CHODL: variants seen among roughly 807,000 people sequenced by gnomAD.
CHODL encodes the protein chondrolectin, also known as transmembrane protein MT75.
CHODL carries 29 observed loss-of-function variants against 34.5 expected under a neutral mutation model. The ratio of observed to expected loss-of-function variants is 0.84; its 90% CI spans 0.63 to 1.15. The LOEUF is 1.15. CHODL is among the 50% of genes most tolerant of loss of function. The pLI is 0.00. For missense variants in CHODL, 332 were observed against 332.5 expected (o/e 1.00, Z 0.01); for synonymous variants, 125 against 116.1 (o/e 1.08, Z -0.49).
intron 2 of CHODL, among the ~76,000 whole-genome samples, chr21:18,161,624 C>T (rs534387139): frequency 6.6e-6 from 1 of 152,244 alleles, no homozygotes; most frequent in Non-Finnish European, 1.5e-5. Flanking sequence ...CTTGTGCATG[C>T]TGTTTGCTCT....
chr21:18,186,453 C>G (rs542945929), intron 2 of CHODL, among the ~76,000 whole-genome samples: 5 of 151,802 alleles, frequency 3.3e-5, no homozygotes, highest in East Asian at 3.9e-4. Context: ...CTTTCTTTAG[C>G]AGGGTCCCAG....
intron 2 of CHODL, among the ~76,000 whole-genome samples, chr21:18,049,512 G>T (rs971539102): frequency 1.3e-5 from 2 of 151,904 alleles, no homozygotes; most frequent in African/African-American, 4.8e-5. Flanking sequence ...GTTTGCTAGG[G>T]TTACCATAAC....
intron 1 of CHODL, among the ~76,000 whole-genome samples, chr21:17,932,129 T>C (rs566722939): frequency 4.0e-5 from 6 of 151,818 alleles, no homozygotes; most frequent in African/African-American, 1.4e-4. Flanking sequence ...CAAACAACCA[T>C]ATTAAAAAGT....
intron 2 of CHODL, among the ~76,000 whole-genome samples, chr21:18,076,388 A>G (rs904577525): frequency 6.6e-6 from 1 of 152,238 alleles, no homozygotes; most frequent in African/African-American, 2.4e-5. Context: ...ATGTCCAAGT[A>G]TTTTGTAGAA....
chr21:17,932,442 A>G (rs1041998858), intron 1 of CHODL, among the ~76,000 whole-genome samples: 1 of 152,210 alleles, frequency 6.6e-6, no homozygotes, highest in Non-Finnish European at 1.5e-5. Flanking sequence ...TTGACCCAGC[A>G]ATCCCACTGT....
chr21:18,073,416 T>G (rs955293093), intron 2 of CHODL, among the ~76,000 whole-genome samples: 1 of 152,116 alleles, frequency 6.6e-6, no homozygotes, highest in Non-Finnish European at 1.5e-5. Flanking sequence ...TTCTGAGTGA[T>G]TAGCTTTAAT....
chr21:17,968,605 T>G (rs62213020), intron 1 of CHODL, among the ~76,000 whole-genome samples: 2 of 152,210 alleles, frequency 1.3e-5, no homozygotes, highest in Non-Finnish European at 2.9e-5. Context: ...ACAAACCTGA[T>G]GAAGGAAAAT....
At chr21:18,219,278 G>T (rs2146735832) in intron 2 of CHODL, among the ~76,000 whole-genome samples, 1 of 152,272 alleles carries the variant, frequency 6.6e-6, no homozygotes, top group Non-Finnish European at 1.5e-5. Flanking sequence ...TCTTTCACAT[G>T]ATGACAGGAA....
intron 2 of CHODL, among the ~76,000 whole-genome samples, chr21:18,093,177 G>A (rs771447931): frequency 3.3e-5 from 5 of 152,000 alleles, no homozygotes; most frequent in Non-Finnish European, 7.4e-5. Context: ...GGAGAGAGTG[G>A]CATGACATAT....
chr21:18,101,495 C>A (rs1601004661), intron 2 of CHODL, among the ~76,000 whole-genome samples: 1 of 152,094 alleles, frequency 6.6e-6, no homozygotes, highest in Non-Finnish European at 1.5e-5. Flanking sequence ...GTTGTAGAAA[C>A]TTTTTAATAC....
At chr21:18,099,320 G>A (rs906188960) in intron 2 of CHODL, among the ~76,000 whole-genome samples, 7 of 151,884 alleles carry the variant, frequency 4.6e-5, no homozygotes, top group African/African-American at 1.7e-4. Context: ...TGCATTGCAT[G>A]CCTTTACCAA....
At chr21:18,181,111 C>T (rs2073376664) in intron 2 of CHODL, among the ~76,000 whole-genome samples, 1 of 151,876 alleles carries the variant, frequency 6.6e-6, no homozygotes, top group South Asian at 2.1e-4. Context: ...ATTCCTATTC[C>T]TATTTATTCT....
intron 1 of CHODL, among the ~76,000 whole-genome samples, chr21:17,965,871 A>G (rs945872330): frequency 2.0e-5 from 3 of 151,422 alleles, no homozygotes; most frequent in Non-Finnish European, 4.4e-5. Context: ...TAATTGTTCT[A>G]TTGAATGACA....
At position 18,120,059 on chromosome 21, in the gene CHODL, G is replaced by A. The variant is rs142480048; in HGVS notation, c.-45+92088G>A. Among the ~76,000 whole-genome samples, 26 of 152,206 alleles carry A rather than the reference G, an allele frequency of 1.7e-4. No homozygotes were observed. The East Asian group carries it at 2.7e-3, about 16-fold the overall frequency. Reference sequence around the variant, plus strand: ...TGGTTGCAAGTCCTTGTGACTAGGCGAAAAATATTCCCCAGTAGCTCTTGA... The same window carrying A: ...TGGTTGCAAGTCCTTGTGACTAGGCAAAAAATATTCCCCAGTAGCTCTTGA... On this transcript the variant is annotated intron_variant, in intron 2 of 6. Transcript: ENST00000400127.
chr21:18,206,348 G>C (rs1311756273), intron 2 of CHODL, among the ~76,000 whole-genome samples: 1 of 152,072 alleles, frequency 6.6e-6, no homozygotes, highest in Non-Finnish European at 1.5e-5. Context: ...TACAATTCTT[G>C]TGTCCTCTTG....
intron 2 of CHODL, among the ~76,000 whole-genome samples, chr21:18,089,943 G>A (rs751754659): frequency 7.2e-5 from 11 of 152,182 alleles, no homozygotes; most frequent in Admixed American, 6.5e-5. Flanking sequence ...TAAATGAATA[G>A]CAAGAGTGAA....
intron 1 of CHODL, among the ~76,000 whole-genome samples, chr21:17,930,341 T>C (rs2063262073): frequency 6.6e-6 from 1 of 152,226 alleles, no homozygotes; most frequent in Admixed American, 6.5e-5. Context: ...TTTCATCTTA[T>C]TAGCAGCAGT....
chr21:17,995,542 ACT>A (rs2063840902), intron 1 of CHODL, among the ~76,000 whole-genome samples: 1 of 151,994 alleles, frequency 6.6e-6, no homozygotes, highest in South Asian at 2.1e-4. Context: ...GTGGTTATCT[ACT>A]TGCTGTTTTG....
At position 18,266,642 on chromosome 21, in the gene CHODL, C is replaced by G. The variant is rs1194225177; in HGVS notation, c.*604C>G. ...CAGCTTCTCTGCTTTTGGTCAATGT[C>G]TAGGAAATCTCTTCAGAAATAAGAA... On this transcript the variant is annotated 3_prime_UTR_variant, in exon 6 of 6. Coordinates refer to ENST00000299295, the MANE Select transcript of CHODL (RefSeq NM_024944.3). The G allele has an allele frequency of 1.3e-5, 2 of 153,290 alleles. No homozygotes were observed. Among genetic ancestry groups the G allele is most frequent in the African/African-American group, 4.8e-5 (2 of 41,420 alleles). 9.5% of individuals were successfully genotyped at this position (153,290 alleles called of 1,614,324 possible).
Sources: gnomAD v4.1 joint callset for allele counts (sites outside exome capture counted in the v4.1 genomes callset) on GRCh38, gnomAD v4.1.1 for gene constraint, MANE v1.5 for transcripts, NCBI Gene and HGNC (gene_info 2026-07-23, HGNC 2026-07-21) for gene names.